DSP: variants seen among roughly 807,000 people sequenced by gnomAD.
DSP encodes 250/210 kDa paraneoplastic pemphigus antigen.
Under a neutral mutation model 290.6 loss-of-function variants are expected in DSP, and 114 were observed. The observed-to-expected ratio is 0.39, with a 90% CI of 0.34 to 0.46. The LOEUF (loss-of-function observed/expected upper bound fraction) is 0.46. Among genes scored for constraint, DSP ranks in the 20% least tolerant of loss-of-function variants. The probability of loss-of-function intolerance (pLI) is 0.99; values close to 1 mark genes in which losing one functional copy is unlikely to be tolerated. For missense variants in DSP, 3,230 were observed against 3,495.8 expected, an observed-to-expected ratio of 0.92 and a Z score of 1.92; for synonymous variants, 1,311 against 1,316.4, an observed-to-expected ratio of 1.00 and a Z score of 0.09.
intron 1 of DSP, among the ~76,000 whole-genome samples, chr6:7,550,177 G>A (rs113767599): frequency 6.6e-6 from 1 of 151,694 alleles, no homozygotes; most frequent in Admixed American, 6.6e-5. Context: ...CTCCCGAGTA[G>A]CTGGGACTTA....
intron 1 of DSP, among the ~76,000 whole-genome samples, chr6:7,546,505 G>C (rs1314506735): frequency 6.6e-6 from 1 of 152,172 alleles, no homozygotes; most frequent in Non-Finnish European, 1.5e-5. Flanking sequence ...AAACTTCCCA[G>C]TTTACAGATG....
In DSP at chr6:7,574,747, T is replaced by C. The variant is rs2113684215; in HGVS notation, c.2388T>C (p.Thr796=). The C allele has an allele frequency of 6.2e-7, 1 of 1,614,172 alleles. No homozygotes were observed. The highest frequency in any genetic ancestry group is 8.5e-7 in the Non-Finnish European group (1 of 1,180,024). The part of the protein sequence containing the change: ...VYEARLTEEE[T]VCLDLDKVEA... Reference sequence around the variant, plus strand: ...AAGCCAGGCTCACTGAGGAGGAAACTGTCTGCCTGGACCTGGATAAAGTGG... The same window carrying C: ...AAGCCAGGCTCACTGAGGAGGAAACCGTCTGCCTGGACCTGGATAAAGTGG... The change falls in exon 17 of 24, where the codon ACT becomes ACC. Residue 796 remains threonine (T), a synonymous_variant. Transcript: ENST00000379802.
chr6:7,561,047 G>A (rs541858424), intron 4 of DSP, among the ~76,000 whole-genome samples: 1 of 152,028 alleles, frequency 6.6e-6, no homozygotes, highest in South Asian at 2.1e-4. Context: ...TATCTCCCGG[G>A]TTCAAGCAAT....
chr6:7,551,349 G>C (rs560092601), intron 1 of DSP, among the ~76,000 whole-genome samples: 1 of 152,138 alleles, frequency 6.6e-6, no homozygotes, highest in Admixed American at 6.5e-5. Context: ...TTTCCTGGCT[G>C]GGAGTGGTGC....
rs75458251 is a variant in DSP at position 7,553,403 on chromosome 6, C to T, written c.171-2315C>T. Among the ~76,000 whole-genome samples the T allele has an allele frequency of 6.0e-3, 920 of 152,264 alleles. 8 individuals are homozygous for T. Among genetic ancestry groups the T allele is most frequent in the African/African-American group, 0.02 (819 of 41,528 alleles). ...TGGCATTCTTTGTGGGAATCACCTT[C>T]GGAGCCAAATTGCTGAACAGAATTT... On this transcript the variant is annotated intron_variant, in intron 1 of 23. Transcript: ENST00000379802.
In DSP at chr6:7,579,883, T is replaced by C. The variant is rs1401414601; in HGVS notation, c.3693T>C (p.Asp1231=). 18 of 1,614,074 alleles carry C rather than the reference T, an allele frequency of 1.1e-5. No homozygotes were observed. The highest frequency in any genetic ancestry group is 1.5e-5 in the Non-Finnish European group (18 of 1,180,026). ...IKEISMQKED[D]SKNLRNQLDR... The stretch of plus-strand genomic sequence containing the variant: ...AGATATCCATGCAAAAAGAGGATGA[T>C]TCCAAAAATCTTAGAAACCAGCTTG... The change falls in exon 23 of 24, where the codon GAT becomes GAC. Residue 1231 remains aspartate, a synonymous_variant. Coordinates refer to ENST00000379802, the MANE Select transcript of DSP (RefSeq NM_004415.4). This position sits in a 1 kb window ranked among gnomAD's most constrained non-coding sequence, Gnocchi z 4.1.
chr6:7,545,280 A>G (rs1012712185), intron 1 of DSP, among the ~76,000 whole-genome samples: 18 of 152,226 alleles, frequency 1.2e-4, no homozygotes, highest in Non-Finnish European at 2.5e-4. Flanking sequence ...TTACTATGAG[A>G]CAAACAGGTC....
At chr6:7,561,020 C>T (rs1006322947) in intron 4 of DSP, among the ~76,000 whole-genome samples, 2 of 151,016 alleles carry the variant, frequency 1.3e-5, no homozygotes, top group Non-Finnish European at 2.9e-5. Context: ...GGCATGATCT[C>T]GTCTCACTGC....
Position 7,581,015 on chromosome 6 carries a change from G to A in DSP, c.4825G>A (p.Ala1609Thr), listed in dbSNP as rs1444350092. ...CATGAGGAGGTCGCTGAAGGAGCAA[G>A]CCATCAAAATCACCAACCTGACCCA... ...EGMRRSLKEQ[A>T]IKITNLTQQL... Residue 1609 changes from alanine to threonine, a missense_variant, in exon 23 of 24, where the codon GCC becomes ACC. Physicochemically the swap from Ala to Thr is moderately conservative, Grantham distance 58 (BLOSUM62 0). Around this residue, in one of 5 missense-constraint regions of DSP, gnomAD observed 1,714 missense variants for 1,844.5 expected, o/e 0.93. Coordinates refer to ENST00000379802, the MANE Select transcript of DSP (RefSeq NM_004415.4). 6.2e-7 allele frequency: 1 copy of A among 1,614,034 alleles called. No homozygotes were observed. The highest frequency in any genetic ancestry group is 2.2e-5 in the East Asian group (1 of 44,878).
At chr6:7,577,679 A>C in intron 20 of DSP, 100 bp from the exon 21 acceptor site, 1 of 975,190 alleles carries the variant, frequency 1.0e-6, no homozygotes, top group Non-Finnish European at 1.6e-6. Flanking sequence ...GTGGGCAATT[A>C]GACGTGCAGC....
chr6:7,562,924 A>G (rs1758747659), intron 5 of DSP, 144 bp downstream of exon 5: 1 of 1,256,488 alleles, frequency 8.0e-7, no homozygotes, highest in Admixed American at 2.0e-5. Flanking sequence ...CCACTTCTTA[A>G]ATGGGGAAGT....
At position 7,584,959 on chromosome 6, in the gene DSP, G is replaced by A; in HGVS notation, c.7697G>A (p.Gly2566Asp). ...QFADMISLKNGVGTSSSMGSG... is the reference protein window; with the variant it reads ...QFADMISLKNDVGTSSSMGSG... ...GCTGACATGATCTCCTTGAAAAATGGTGTCGGCACCAGCAGCAGCATGGGC... is the reference window on the plus strand; with the variant it reads ...GCTGACATGATCTCCTTGAAAAATGATGTCGGCACCAGCAGCAGCATGGGC... Residue 2566 changes from glycine (G) to aspartate (D), a missense_variant, in exon 24 of 24, where the codon GGT becomes GAT. Physicochemically the swap from Gly to Asp is moderately conservative, Grantham distance 94 (BLOSUM62 -1). Transcript: ENST00000379802. The surrounding 1 kb of genome is among the most constrained non-coding windows in gnomAD (Gnocchi z 6.4). 1 of 1,614,196 alleles carries A rather than the reference G, an allele frequency of 6.2e-7. No homozygotes were observed. Among genetic ancestry groups the A allele is most frequent in the Non-Finnish European group, 8.5e-7 (1 of 1,180,026 alleles).
rs1759319836 is a variant in DSP at position 7,578,544 on chromosome 6, G to T, written c.3066G>T (p.Lys1022Asn). Residue 1022 changes from lysine to asparagine, a missense_variant, in exon 22 of 24, where the codon AAG (lysine) becomes AAT (asparagine). Transcript: ENST00000379802. Reference protein sequence around the residue: ...DYYRFLSEMLKSLEDLKLKNT... With the variant: ...DYYRFLSEMLNSLEDLKLKNT... ...ACAGGTTCTTAAGTGAGATGCTGAA[G>T]AGTTTGGAAGATCTGAAGGTAATTT... is the stretch of plus-strand genomic sequence containing the variant. 6.2e-7 allele frequency: 1 copy of T among 1,613,496 alleles called. No individual in the cohort carries two copies. Among genetic ancestry groups the T allele is most frequent in the South Asian group, 1.1e-5 (1 of 91,078 alleles).
Position 7,584,018 on chromosome 6 carries a change from C to T in DSP, c.6756C>T (p.Asp2252=). The T allele has an allele frequency of 6.2e-7, 1 of 1,614,158 alleles. No homozygotes were observed. The highest frequency in any genetic ancestry group is 8.5e-7 in the Non-Finnish European group (1 of 1,180,028). The change falls in exon 24 of 24, where the codon GAC becomes GAT. Residue 2252 remains aspartate (D), a synonymous_variant. Transcript: ENST00000379802. This position sits in a 1 kb window ranked among gnomAD's most constrained non-coding sequence, Gnocchi z 6.4. ...SYDEVGERIK[D]FLQGSSCIAG... is the part of the protein sequence containing the mutation. ...ACGAGGTTGGTGAGAGAATTAAGGA[C>T]TTCCTCCAGGGTTCAAGCTGCATAG...
Position 7,541,825 on chromosome 6 carries a change from TC to T in DSP, c.-89del. On this transcript the variant is annotated 5_prime_UTR_variant, in exon 1 of 24. Coordinates refer to ENST00000379802, the MANE Select transcript of DSP (RefSeq NM_004415.4). ...GCACTCCCGCCCGGTTCCCCGGCCG[TC>T]CGCCTATCCTTGGCCCCCTCCGCTT... The T allele has an allele frequency of 6.8e-7, 1 of 1,462,844 alleles. No homozygotes were observed. Among genetic ancestry groups the T allele is most frequent in the African/African-American group, 1.4e-5 (1 of 70,348 alleles). The allele number at this position is 1,462,844 out of a possible 1,614,324, so 90.6% of individuals were successfully genotyped here.
rs768178768 is a variant in DSP, at chr6:7,559,234, A to C, written c.431A>C (p.Gln144Pro). The change falls in exon 4 of 24, where the codon CAG becomes CCG. Residue 144 changes from glutamine (Q) to proline (P), a missense_variant. By Grantham distance (76) the Gln-to-Pro change is moderately conservative (BLOSUM62 -1). Around this residue, in one of 5 missense-constraint regions of DSP, gnomAD observed 646 missense variants for 684.3 expected, o/e 0.94. Coordinates refer to ENST00000379802, the MANE Select transcript of DSP (RefSeq NM_004415.4). The part of the protein sequence containing the change: ...PCDAYQKRLL[Q>P]LQEQMRALYK... ...GGTTTTTTTCTTTGCAGGCTTCTTC[A>C]GCTCCAAGAGCAAATGCGAGCCCTT... The C allele has an allele frequency of 2.5e-6, 4 of 1,613,814 alleles. No individual in the cohort carries two copies. The highest frequency in any genetic ancestry group is 3.4e-6 in the Non-Finnish European group (4 of 1,180,022).
At position 7,560,224 on chromosome 6, in the gene DSP, A is replaced by G. The variant is rs929346240; in HGVS notation, c.597+824A>G. 2.0e-5 allele frequency among the ~76,000 whole-genome samples: 3 copies of G among 152,224 alleles called. No homozygotes were observed. In the East Asian group the frequency reaches 5.8e-4, roughly 29 times the overall value. ...TGTTATGCAATTTAGATGTGGTTGT[A>G]AGAAAGCTTGGTTTGATTAGTTGTT... On this transcript the variant is annotated intron_variant, in intron 4 of 23. Transcript: ENST00000379802.
At chr6:7,562,525 G>A in intron 4 of DSP, 127 bp from the exon 5 acceptor site, 1 of 1,535,238 alleles carries the variant, frequency 6.5e-7, no homozygotes, top group South Asian at 1.1e-5. Flanking sequence ...AAAATATTCT[G>A]GCTTCAAAAA....
chr6:7,552,414 A>G (rs1758367596), intron 1 of DSP, among the ~76,000 whole-genome samples: 1 of 150,824 alleles, frequency 6.6e-6, no homozygotes, highest in South Asian at 2.1e-4. Flanking sequence ...AAAAAAAAAA[A>G]TAGCTGGGCG....
Sources: gnomAD v4.1 joint callset for allele counts (sites outside exome capture counted in the v4.1 genomes callset) on GRCh38, gnomAD v4.1.1 for gene constraint, gnomAD v4.1.1 regional missense constraint, Gnocchi (gnomAD v3.1) non-coding constraint, MANE v1.5 for transcripts, NCBI Gene and HGNC (gene_info 2026-07-23, HGNC 2026-07-21) for gene names.